Variants in BABAM2 observed in about 807,000 individuals in gnomAD.
BABAM2 encodes the protein BRISC and BRCA1 A complex member 2.
BABAM2 carries 31 observed loss-of-function variants against 54.7 expected under a neutral mutation model. The ratio of observed to expected loss-of-function variants is 0.57; its 90% CI spans 0.43 to 0.77. The LOEUF (loss-of-function observed/expected upper bound fraction) is 0.77, where lower values mean the gene tolerates loss of function less well. Ranked by LOEUF, BABAM2 falls within the 30% of genes least tolerant of loss-of-function variation. BABAM2 has a pLI of 0.00. For synonymous variants in BABAM2, 167 were observed against 162.9 expected, an observed-to-expected ratio of 1.03 and a Z score of -0.19; for missense variants, 364 against 455.8, an observed-to-expected ratio of 0.80 and a Z score of 1.83.
At chr2:28,199,414 T>A (rs1427578899) in intron 7 of BABAM2, among the ~76,000 whole-genome samples, 1 of 152,230 alleles carries the variant, frequency 6.6e-6, no homozygotes, top group African/African-American at 2.4e-5. Flanking sequence ...CAGATGACAG[T>A]CTTTGTTTTG....
chr2:28,187,081 A>C (rs1676388318), intron 7 of BABAM2, among the ~76,000 whole-genome samples: 1 of 152,200 alleles, frequency 6.6e-6, no homozygotes, highest in Non-Finnish European at 1.5e-5. Context: ...CTGGGATTGC[A>C]GGCGTGAGCC....
intron 3 of BABAM2, among the ~76,000 whole-genome samples, chr2:27,968,279 A>G (rs1450886279): frequency 3.3e-5 from 5 of 152,244 alleles, no homozygotes; most frequent in Non-Finnish European, 7.3e-5. Context: ...GAAAGGGAAC[A>G]ATGTAGAGCT....
chr2:28,076,793 G>A (rs1347545652), intron 6 of BABAM2, among the ~76,000 whole-genome samples: 8 of 152,038 alleles, frequency 5.3e-5, no homozygotes, highest in African/African-American at 1.4e-4. Flanking sequence ...GTGAGCCACC[G>A]CGCCCAGCCC....
intron 7 of BABAM2, among the ~76,000 whole-genome samples, chr2:28,220,996 C>G (rs1680353329): frequency 6.6e-6 from 1 of 152,192 alleles, no homozygotes; most frequent in African/African-American, 2.4e-5. Context: ...GCAAGATGAT[C>G]TCGTCGATTC....
intron 2 of BABAM2, among the ~76,000 whole-genome samples, chr2:27,901,830 A>G (rs914483709): frequency 2.0e-5 from 3 of 151,990 alleles, no homozygotes. Flanking sequence ...CTTTTTCCCC[A>G]CGCCTGTCTT....
intron 7 of BABAM2, among the ~76,000 whole-genome samples, chr2:28,228,423 A>C (rs1196801776): frequency 6.6e-6 from 1 of 152,192 alleles, no homozygotes; most frequent in Non-Finnish European, 1.5e-5. Flanking sequence ...TTAGTCTAGG[A>C]TAACTATTGT....
At chr2:27,976,781 G>A (rs1402653042) in intron 3 of BABAM2, among the ~76,000 whole-genome samples, 1 of 152,074 alleles carries the variant, frequency 6.6e-6, no homozygotes, top group Non-Finnish European at 1.5e-5. Flanking sequence ...CTACTGGTAA[G>A]TTTAAAATTA....
At chr2:28,115,710 A>T (rs1377183611) in intron 6 of BABAM2, among the ~76,000 whole-genome samples, 1 of 152,070 alleles carries the variant, frequency 6.6e-6, no homozygotes, top group Non-Finnish European at 1.5e-5. Context: ...GGGGATGTAG[A>T]CCGGGGAGAA....
At chr2:28,210,108 G>A (rs926566313) in intron 7 of BABAM2, among the ~76,000 whole-genome samples, 3 of 152,068 alleles carry the variant, frequency 2.0e-5, no homozygotes, top group African/African-American at 7.2e-5. Context: ...TGGCACTGTG[G>A]CTTCCCTTAA....
chr2:28,252,415 G>T (rs1263672082), intron 10 of BABAM2, among the ~76,000 whole-genome samples: 2 of 152,104 alleles, frequency 1.3e-5, no homozygotes, highest in Non-Finnish European at 2.9e-5. Context: ...CCTTGAAAGT[G>T]GTTAGCTCTA....
At chr2:28,226,875 G>A (rs939413410) in intron 7 of BABAM2, among the ~76,000 whole-genome samples, 4 of 152,040 alleles carry the variant, frequency 2.6e-5, no homozygotes, top group African/African-American at 9.7e-5. Context: ...GGCCAACCAG[G>A]CCAATTGACT....
At chr2:28,186,558 G>C (rs1205201460) in intron 7 of BABAM2, among the ~76,000 whole-genome samples, 2 of 152,002 alleles carry the variant, frequency 1.3e-5, no homozygotes, top group African/African-American at 4.8e-5. Flanking sequence ...TTGAGCCCAG[G>C]AGTTCAGGCA....
At chr2:28,228,112 C>A (rs1489585878) in intron 7 of BABAM2, among the ~76,000 whole-genome samples, 1 of 152,202 alleles carries the variant, frequency 6.6e-6, no homozygotes, top group Non-Finnish European at 1.5e-5. Context: ...AAGCAAGGAG[C>A]ACTTTGGAAA....
chr2:28,008,697 G>A (rs1332596703), intron 4 of BABAM2, among the ~76,000 whole-genome samples: 2 of 152,104 alleles, frequency 1.3e-5, no homozygotes, highest in South Asian at 2.1e-4. Flanking sequence ...ACACCATTGA[G>A]TAAGCTATTT....
intron 8 of BABAM2, among the ~76,000 whole-genome samples, chr2:28,237,891 C>T (rs1191551968): frequency 6.6e-6 from 1 of 151,972 alleles, no homozygotes; most frequent in Non-Finnish European, 1.5e-5. Flanking sequence ...CTCACTCTGT[C>T]GCCTGGGCTG....
chr2:28,319,477 C>A (rs901868726), intron 11 of BABAM2, among the ~76,000 whole-genome samples: 1 of 152,242 alleles, frequency 6.6e-6, no homozygotes, highest in African/African-American at 2.4e-5. Flanking sequence ...CTCCCTGCGC[C>A]TCTTGTACCT....
intron 3 of BABAM2, among the ~76,000 whole-genome samples, chr2:27,945,954 T>A (rs1669267978): frequency 6.6e-6 from 1 of 152,138 alleles, no homozygotes. Context: ...CTTCAACACA[T>A]TTGCTTGTGA....
At chr2:27,891,491 C>T (rs1460444126) in intron 1 of BABAM2, among the ~76,000 whole-genome samples, 3 of 152,164 alleles carry the variant, frequency 2.0e-5, no homozygotes, top group African/African-American at 7.2e-5. Flanking sequence ...ACGTCAAAAT[C>T]AGGAAATACA....
intron 7 of BABAM2, among the ~76,000 whole-genome samples, chr2:28,192,404 C>G (rs1281371168): frequency 1.3e-5 from 2 of 151,362 alleles, no homozygotes; most frequent in African/African-American, 2.4e-5. Flanking sequence ...ACGTAAAAAA[C>G]CTGCACGTTG....
Sources: gnomAD v4.1 joint callset for allele counts (sites outside exome capture counted in the v4.1 genomes callset) on GRCh38, gnomAD v4.1.1 for gene constraint, MANE v1.5 for transcripts, NCBI Gene and HGNC (gene_info 2026-07-23, HGNC 2026-07-21) for gene names.